Variants in ATP2A2 observed in about 807,000 individuals in gnomAD.
ATP2A2 encodes the protein sarcoplasmic/endoplasmic reticulum calcium ATPase 2.
In ATP2A2, 14 loss-of-function variants were observed where a neutral mutation model predicts 109.3. That is an observed-to-expected ratio of 0.13 (90% CI 0.08 to 0.20). The LOEUF (loss-of-function observed/expected upper bound fraction) is 0.20. ATP2A2 is among the 10% of genes least tolerant of loss of function. ATP2A2 has a pLI of 1.00. For missense variants in ATP2A2, 657 were observed against 1,321.6 expected (o/e 0.50, Z 7.80); for synonymous variants, 506 against 490.9 (o/e 1.03, Z -0.41).
At chr12:110,289,891 T>A (rs866609656) in intron 3 of ATP2A2, among the ~76,000 whole-genome samples, 1 of 152,190 alleles carries the variant, frequency 6.6e-6, no homozygotes, top group Admixed American at 6.5e-5. Context: ...TTGTGGTGAG[T>A]TCTCTCTTTT....
At chr12:110,332,530 G>T in intron 8 of ATP2A2, 67 bp from the exon 9 acceptor site, 1 of 1,308,758 alleles carries the variant, frequency 7.6e-7, no homozygotes, top group Middle Eastern at 2.0e-4. Context: ...GCTAACAAAG[G>T]TAGTTTATTT....
chr12:110,314,486 C>A (rs1024011286), intron 5 of ATP2A2, among the ~76,000 whole-genome samples: 19 of 152,088 alleles, frequency 1.2e-4, no homozygotes, highest in African/African-American at 3.4e-4. Context: ...AAGATGTTAA[C>A]CCTGTAACAC....
chr12:110,332,805 T>C (rs1168561482), intron 9 of ATP2A2, 120 bp downstream of exon 9: 1 of 913,086 alleles, frequency 1.1e-6, no homozygotes, highest in Admixed American at 1.7e-5. Flanking sequence ...CAACACTTAT[T>C]ACTAAAGTAG....
Position 110,282,591 on chromosome 12 carries a change from C to T in ATP2A2, c.119-13C>T. 2 of 1,613,330 alleles carry T rather than the reference C, an allele frequency of 1.2e-6. No homozygotes were observed. The highest frequency in any genetic ancestry group is 1.7e-6 in the Non-Finnish European group (2 of 1,179,830). On this transcript the variant is annotated splice_polypyrimidine_tract_variant and intron_variant, in intron 1 of 19. Coordinates refer to ENST00000539276, the MANE Select transcript of ATP2A2 (RefSeq NM_170665.4). ...TCTTGACACATTGCTTGACGAATTT[C>T]TACATTCTACAGAGTTACCGGCTGA...
intron 5 of ATP2A2, among the ~76,000 whole-genome samples, chr12:110,302,725 A>G (rs937181686): frequency 7.2e-5 from 11 of 152,022 alleles, no homozygotes; most frequent in Non-Finnish European, 1.3e-4. Context: ...CAGCCTCCCA[A>G]TTAGCTGGGC....
intron 5 of ATP2A2, among the ~76,000 whole-genome samples, chr12:110,307,288 G>C (rs943307548): frequency 1.4e-5 from 2 of 142,380 alleles, no homozygotes; most frequent in Non-Finnish European, 3.0e-5. Flanking sequence ...CTGGAACACA[G>C]TGGCATGATT....
chr12:110,307,220 A>AC (rs1198548548), intron 5 of ATP2A2, among the ~76,000 whole-genome samples: 164 of 57,570 alleles, frequency 2.8e-3, no homozygotes, highest in Middle Eastern at 0.014. Context: ...CAGCCCCACC[A>AC]CCTTTTTTTT....
Position 110,341,189 on chromosome 12 carries a change from A to C in ATP2A2, c.2097+195A>C, listed in dbSNP as rs539906251. ...TGCAGGGAAGATCCTAGAGTCGTTT[A>C]AAACCCAGAAGGGCCTTCCAGATCA... On this transcript the variant is annotated intron_variant, in intron 14 of 19. Coordinates refer to ENST00000539276, the MANE Select transcript of ATP2A2 (RefSeq NM_170665.4). Among the ~76,000 whole-genome samples, 57 of 150,380 alleles carry C rather than the reference A, an allele frequency of 3.8e-4. 1 individual carries two copies. Among genetic ancestry groups the C allele is most frequent in the Admixed American group, 3.2e-3 (48 of 15,096 alleles).
Position 110,348,172 on chromosome 12 carries a change from TTAAAAAGCTAAAA to T in ATP2A2, c.*1703_*1715del, listed in dbSNP as rs1464959319. 48 of 985,280 alleles carry T rather than the reference TTAAAAAGCTAAAA, an allele frequency of 4.9e-5. No individual in the cohort carries two copies. Among genetic ancestry groups the T allele is most frequent in the Non-Finnish European group, 5.5e-5 (46 of 829,950 alleles). The allele number at this position is 985,280 out of a possible 1,614,324, so 61.0% of individuals were successfully genotyped here. ...ATCCCAGAACATTGCTACTTATTTA[TTAAAAAGCTAAAA>T]ACTAGTGAAAGCAAGTAACTGAACC... On this transcript the variant is annotated 3_prime_UTR_variant, in exon 20 of 20. Transcript: ENST00000539276.
rs569070628 is a variant in ATP2A2, at chr12:110,349,625, T to G, written c.*3155T>G. 1.1e-4 allele frequency: 109 copies of G among 986,288 alleles called. No homozygotes were observed. The highest frequency in any genetic ancestry group is 1.3e-4 in the Non-Finnish European group (108 of 830,532). The allele number at this position is 986,288 out of a possible 1,614,324, so 61.1% of individuals were successfully genotyped here. ...ACTGGAGCTTCAGCCCTGACTGAGG[T>G]GGGCAGACCTAAGACCTGAGACCAC... is the stretch of plus-strand genomic sequence containing the variant. On this transcript the variant is annotated 3_prime_UTR_variant, in exon 20 of 20. Coordinates refer to ENST00000539276, the MANE Select transcript of ATP2A2 (RefSeq NM_170665.4).
At chr12:110,331,825 A>G (rs369268316) in intron 8 of ATP2A2, 15 of 152,322 alleles carry the variant, frequency 9.8e-5, no homozygotes, top group East Asian at 9.6e-4. Flanking sequence ...ACAAGCCTAA[A>G]TCTTACTTTT....
chr12:110,298,311 C>T (rs1432658557), intron 5 of ATP2A2, among the ~76,000 whole-genome samples: 2 of 151,288 alleles, frequency 1.3e-5, no homozygotes, highest in Non-Finnish European at 2.9e-5. Flanking sequence ...TTATTTGGGA[C>T]TGTGTAGTGT....
Position 110,348,427 on chromosome 12 carries a change from T to G in ATP2A2, c.*1957T>G. The G allele has an allele frequency of 1.0e-6, 1 of 985,530 alleles. No homozygotes were observed. The highest frequency in any genetic ancestry group is 6.1e-5 in the Admixed American group (1 of 16,276). 61.0% of individuals were successfully genotyped at this position (985,530 alleles called of 1,614,324 possible). A position where few individuals can be genotyped will look rare whatever the true frequency, so the allele number is the denominator to read the frequency against. Reference sequence around the variant, plus strand: ...TATATTCTTCAAAATGTACTTAGGCTCTGGTTACTGGGATGGCCAGTAGAT... The same window carrying G: ...TATATTCTTCAAAATGTACTTAGGCGCTGGTTACTGGGATGGCCAGTAGAT... On this transcript the variant is annotated 3_prime_UTR_variant, in exon 20 of 20. Coordinates refer to ENST00000539276, the MANE Select transcript of ATP2A2 (RefSeq NM_170665.4).
chr12:110,319,698 A>G (rs1017400138), intron 5 of ATP2A2, among the ~76,000 whole-genome samples: 1 of 150,704 alleles, frequency 6.6e-6, no homozygotes, highest in Non-Finnish European at 1.5e-5. Flanking sequence ...TATAGGACCA[A>G]TAGGTAAGAC....
chr12:110,342,091 C>A lies in ATP2A2; in HGVS notation c.2098-137C>A. On this transcript the variant is annotated intron_variant, in intron 14 of 19. Transcript: ENST00000539276. The surrounding 1 kb of genome is among the most constrained non-coding windows in gnomAD (Gnocchi z 4.6). ...TGTTTTGTGACACCAACTTATGAAA[C>A]AAAAATTCTAAAACTCTTTGCCAAG... 1.0e-6 allele frequency: 1 copy of A among 998,218 alleles called. No homozygotes were observed. Among genetic ancestry groups the A allele is most frequent in the Non-Finnish European group, 1.5e-6 (1 of 649,412 alleles). The allele number at this position is 998,218 out of a possible 1,614,324, so 61.8% of individuals were successfully genotyped here.
At chr12:110,330,883 A>G (rs1470145564) in intron 8 of ATP2A2, 6 of 152,326 alleles carry the variant, frequency 3.9e-5, no homozygotes, top group African/African-American at 1.4e-4. Context: ...ATTTAGATTT[A>G]GCTAATGTAG....
intron 4 of ATP2A2, among the ~76,000 whole-genome samples, chr12:110,292,623 TA>T (rs1283333626): frequency 6.6e-6 from 1 of 152,176 alleles, no homozygotes; most frequent in Non-Finnish European, 1.5e-5. Context: ...ACTTTGCAGT[TA>T]AGATTGCTCA....
In ATP2A2 at chr12:110,292,058, A is replaced by G. The variant is rs1374156619; in HGVS notation, c.258A>G (p.Thr86=). 2.5e-6 allele frequency: 4 copies of G among 1,614,184 alleles called. No homozygotes were observed. Among genetic ancestry groups the G allele is most frequent in the Non-Finnish European group, 2.5e-6 (3 of 1,180,024 alleles). The part of the protein sequence containing the change: ...AWFEEGEETI[T]AFVEPFVILL... ...TTGAAGAAGGTGAAGAAACAATTAC[A>G]GCCTTTGTAGAACCTTTTGTAATTT... Residue 86 remains threonine (T), a synonymous_variant, in exon 4 of 20, where the codon ACA becomes ACG. Coordinates refer to ENST00000539276, the MANE Select transcript of ATP2A2 (RefSeq NM_170665.4).
In ATP2A2 at chr12:110,327,933, G is replaced by A. The variant is rs746331231; in HGVS notation, c.1011G>A (p.Pro337=). Residue 337 remains proline, a synonymous_variant, in exon 8 of 20, where the codon CCG becomes CCA. Coordinates refer to ENST00000539276, the MANE Select transcript of ATP2A2 (RefSeq NM_170665.4). This position sits in a 1 kb window ranked among gnomAD's most constrained non-coding sequence, Gnocchi z 4.4. ...AKKNAIVRSL[P]SVETLGCTSV... is the part of the protein sequence containing the mutation. ...AAAATGCCATTGTTCGAAGCCTCCC[G>A]TCTGTGGAAACCCTTGGTTGTACTT... 19 of 1,613,972 alleles carry A rather than the reference G, an allele frequency of 1.2e-5. No homozygotes were observed. The highest frequency in any genetic ancestry group is 4.5e-5 in the East Asian group (2 of 44,894).
Sources: allele counts gnomAD v4.1 joint callset (sites outside exome capture counted in the v4.1 genomes callset), GRCh38; gene constraint gnomAD v4.1.1; non-coding constraint Gnocchi (gnomAD v3.1); transcripts MANE v1.5; gene names NCBI Gene and HGNC (gene_info 2026-07-23, HGNC 2026-07-21).